GRK7: variants seen among roughly 807,000 people sequenced by gnomAD.
GRK7 encodes the protein G protein-coupled receptor kinase 7.
GRK7 carries 24 observed loss-of-function variants against 34.1 expected under a neutral mutation model. The ratio of observed to expected loss-of-function variants is 0.70; its 90% confidence interval spans 0.51 to 0.99. The LOEUF (loss-of-function observed/expected upper bound fraction) is 0.99. Among genes scored for constraint, GRK7 ranks in the 50% least tolerant of loss-of-function variants. GRK7 has a pLI of 0.00. For synonymous variants in GRK7, 256 were observed against 279.4 expected (o/e 0.92, Z 0.84); for missense variants, 644 against 707.3 (o/e 0.91, Z 1.02).
intron 4 of GRK7, among the ~76,000 whole-genome samples, chr3:141,790,041 G>A (rs1365830212): frequency 6.6e-6 from 1 of 152,162 alleles, no homozygotes; most frequent in Non-Finnish European, 1.5e-5. Flanking sequence ...TCACTCTGTA[G>A]CCCAGGCAGG....
intron 2 of GRK7, among the ~76,000 whole-genome samples, 120 bp downstream of exon 2, chr3:141,774,800 T>C (rs1480014891): frequency 7.7e-6 from 1 of 130,110 alleles, no homozygotes; most frequent in East Asian, 2.5e-4. Context: ...TTATTATTAT[T>C]ATTATTATTA....
chr3:141,807,543 G>A, intron 4 of GRK7, 102 bp from the exon 5 acceptor site: 1 of 1,036,404 alleles, frequency 9.6e-7, no homozygotes, highest in Middle Eastern at 3.0e-4. Flanking sequence ...AACAAGGGAA[G>A]AAAAGGAGAA....
chr3:141,757,148 T>TTTTTTTTTTTTTTTTTTTTC, the GRK7 span, among the ~76,000 whole-genome samples: 3 of 115,286 alleles, frequency 2.6e-5, no homozygotes, highest in East Asian at 2.6e-4. Context: ...TTTTTTTTTC[T>TTTTTTTTTTTTTTTTTTTTC]TTTTTTTTTT....
chr3:141,809,424 C>T lies in GRK7; in HGVS notation c.1325+1505C>T, dbSNP rs866488400. On this transcript the variant is annotated intron_variant, in intron 5 of 5. Coordinates refer to ENST00000682958, the MANE Select transcript of GRK7 (RefSeq NM_139209.3). Reference sequence around the variant, plus strand: ...AATCAAGCTATTTTAGAAGGCCGGGCGCAGTGGTCATGCCTGTAATCTTAA... The same window carrying T: ...AATCAAGCTATTTTAGAAGGCCGGGTGCAGTGGTCATGCCTGTAATCTTAA... Among the ~76,000 whole-genome samples, 10 of 152,172 alleles carry T rather than the reference C, an allele frequency of 6.6e-5. No individual in the cohort carries two copies. The Middle Eastern group carries it at 0.01, about 155-fold the overall frequency.
the GRK7 span, among the ~76,000 whole-genome samples, chr3:141,752,614 T>A: frequency 6.6e-6 from 1 of 152,258 alleles, no homozygotes; most frequent in Non-Finnish European, 1.5e-5. Flanking sequence ...GCCCTTATTA[T>A]GCATCAAACT....
At chr3:141,775,256 T>C (rs79935644) in intron 2 of GRK7, among the ~76,000 whole-genome samples, 9,864 of 152,112 alleles carry the variant, frequency 0.065, 345 homozygotes, top group South Asian at 0.11. Context: ...GAAGATTAGC[T>C]GGGCCTGGTG....
At chr3:141,784,603 T>C (rs2681701) in intron 4 of GRK7, among the ~76,000 whole-genome samples, 49,092 of 152,116 alleles carry the variant, frequency 0.32, 11,932 homozygotes, top group African/African-American at 0.69. Flanking sequence ...CACAAGTAGA[T>C]TGTAAGGTCA....
intron 4 of GRK7, among the ~76,000 whole-genome samples, chr3:141,801,507 A>G (rs1290317721): frequency 1.3e-5 from 2 of 152,102 alleles, no homozygotes; most frequent in African/African-American, 4.8e-5. Flanking sequence ...TCATTGTATG[A>G]ACCACATTTG....
chr3:141,768,642 C>G (rs539395371), intron 1 of GRK7, among the ~76,000 whole-genome samples: 1 of 152,208 alleles, frequency 6.6e-6, no homozygotes, highest in South Asian at 2.1e-4. Context: ...TCTCGCAACC[C>G]CTCCAGCTCC....
the GRK7 span, among the ~76,000 whole-genome samples, chr3:141,753,492 A>C: frequency 2.0e-5 from 3 of 152,156 alleles, no homozygotes; most frequent in Non-Finnish European, 4.4e-5. Context: ...TTAGATTCTC[A>C]TAAGGAGCGC....
intron 4 of GRK7, among the ~76,000 whole-genome samples, chr3:141,797,313 G>T (rs1283325871): frequency 6.6e-6 from 1 of 152,180 alleles, no homozygotes; most frequent in Admixed American, 6.5e-5. Context: ...ACACTGCGGC[G>T]CTCCTGATTC....
chr3:141,796,343 G>C (rs1191569377), intron 4 of GRK7, among the ~76,000 whole-genome samples: 2 of 152,292 alleles, frequency 1.3e-5, no homozygotes, highest in South Asian at 2.1e-4. Context: ...TGCCTTTAGC[G>C]TTGATGAGAA....
At chr3:141,757,117 T>G in the GRK7 span, among the ~76,000 whole-genome samples, 1 of 148,790 alleles carries the variant, frequency 6.7e-6, no homozygotes, top group Admixed American at 6.8e-5. Context: ...GACAATACGC[T>G]TAGATCTTCT....
the GRK7 span, among the ~76,000 whole-genome samples, chr3:141,751,764 C>A: frequency 1.3e-5 from 2 of 152,190 alleles, no homozygotes; most frequent in African/African-American, 4.8e-5. Context: ...AAAATTCAGT[C>A]CCATGGTTAT....
chr3:141,784,889 A>C (rs938153102), intron 4 of GRK7, among the ~76,000 whole-genome samples: 8 of 152,162 alleles, frequency 5.3e-5, no homozygotes, highest in Admixed American at 5.2e-4. Context: ...ACAGGAGTGG[A>C]AATGGTAGCT....
chr3:141,753,294 T>C, the GRK7 span, among the ~76,000 whole-genome samples: 1 of 152,244 alleles, frequency 6.6e-6, no homozygotes, highest in Non-Finnish European at 1.5e-5. Context: ...TTTAGAGCTG[T>C]ATATTCTGTT....
At chr3:141,800,376 T>C (rs62283086) in intron 4 of GRK7, among the ~76,000 whole-genome samples, 1 of 93,532 alleles carries the variant, frequency 1.1e-5, no homozygotes, top group Non-Finnish European at 2.2e-5. Context: ...TCAATTGTCA[T>C]TTGTAAAAAA....
chr3:141,795,989 G>T (rs530485399), intron 4 of GRK7, among the ~76,000 whole-genome samples: 23 of 152,276 alleles, frequency 1.5e-4, no homozygotes, highest in African/African-American at 5.1e-4. Context: ...GGACCTAATG[G>T]TTGCCGTGTC....
intron 4 of GRK7, among the ~76,000 whole-genome samples, chr3:141,805,278 G>T (rs558422486): frequency 6.6e-6 from 1 of 152,334 alleles, no homozygotes; most frequent in East Asian, 1.9e-4. Flanking sequence ...GGAACTCATT[G>T]CAGGGCATGA....
Sources: allele counts gnomAD v4.1 joint callset (sites outside exome capture counted in the v4.1 genomes callset), GRCh38; gene constraint gnomAD v4.1.1; transcripts MANE v1.5; gene names NCBI Gene and HGNC (gene_info 2026-07-23, HGNC 2026-07-21).